ADGRL2: variants seen among roughly 807,000 people sequenced by gnomAD.
The protein encoded by ADGRL2 is calcium-independent alpha-latrotoxin receptor 2.
ADGRL2 carries 44 observed loss-of-function variants against 157.4 expected under a neutral mutation model. That is an observed-to-expected ratio of 0.28 (90% CI 0.22 to 0.36). ADGRL2 has a LOEUF of 0.36. Among genes scored for constraint, ADGRL2 ranks in the 10% least tolerant of loss-of-function variants. The pLI is 1.00. For synonymous variants in ADGRL2, 585 were observed against 624.7 expected (o/e 0.94, Z 0.95); for missense variants, 1,510 against 1,768.9 (o/e 0.85, Z 2.63).
chr1:81,796,531 G>T (rs1052425503), upstream of ADGRL2, among the ~76,000 whole-genome samples: 2 of 152,164 alleles, frequency 1.3e-5, no homozygotes, highest in Non-Finnish European at 2.9e-5. Context: ...ACTTTGAGTT[G>T]TTTAAGACTC....
intron 3 of ADGRL2, among the ~76,000 whole-genome samples, chr1:81,929,629 G>A (rs192980394): frequency 4.5e-4 from 69 of 152,220 alleles, no homozygotes; most frequent in African/African-American, 1.6e-3. Flanking sequence ...AATTTGTTGG[G>A]CATTGTACAA....
rs142939325 is a variant in ADGRL2, at chr1:81,377,620, A to T, written c.-301-67416A>T. ...GATTCCTGCAGGGGTCATGATACGC[A>T]CGTCACCAGCCCACATCCAGGTTGA... On this transcript the variant is annotated intron_variant, in intron 1 of 24. Transcript: ENST00000370721. Among the ~76,000 whole-genome samples the T allele has an allele frequency of 3.1e-4, 47 of 152,242 alleles. No homozygotes were observed. The East Asian group carries it at 7.9e-3, about 26-fold the overall frequency.
At position 81,969,171 on chromosome 1, in the gene ADGRL2, T is replaced by A. The variant is rs760480607; in HGVS notation, c.2524-7T>A. 17 of 1,595,934 alleles carry A rather than the reference T, an allele frequency of 1.1e-5. No individual in the cohort carries two copies. Among genetic ancestry groups the A allele is most frequent in the Non-Finnish European group, 1.5e-5 (17 of 1,164,048 alleles). ...TACTAATGTTCCTCATATCTTTTTA[T>A]TTTCAGTATAAAGATGGCGTTCATG... On this transcript the variant is annotated splice_region_variant and splice_polypyrimidine_tract_variant and intron_variant, in intron 14 of 23. Coordinates refer to ENST00000686636, the MANE Select transcript of ADGRL2 (RefSeq NM_001366006.2).
At chr1:81,650,579 A>G (rs2082398620) in intron 3 of ADGRL2, among the ~76,000 whole-genome samples, 1 of 150,970 alleles carries the variant, frequency 6.6e-6, no homozygotes, top group African/African-American at 2.4e-5. Flanking sequence ...CATCTCAAAA[A>G]AAAAAAAAAA....
rs1664978727 is a variant in ADGRL2, at chr1:81,993,727, TG to T, written c.*2583del. ...AAACTACTGACTGTTTTAATGCAGATGCGTTATTGTATTTATTAACCCAGTT... is the reference window on the plus strand; with the variant it reads ...AAACTACTGACTGTTTTAATGCAGATCGTTATTGTATTTATTAACCCAGTT... On this transcript the variant is annotated 3_prime_UTR_variant, in exon 24 of 24. Transcript: ENST00000686636. Among the ~76,000 whole-genome samples the T allele has an allele frequency of 6.6e-6, 1 of 152,192 alleles. No homozygotes were observed. The highest frequency in any genetic ancestry group is 1.5e-5 in the Non-Finnish European group (1 of 68,028).
intron 1 of ADGRL2, among the ~76,000 whole-genome samples, chr1:81,376,406 A>G (rs1221692658): frequency 6.6e-6 from 1 of 152,190 alleles, no homozygotes; most frequent in Non-Finnish European, 1.5e-5. Flanking sequence ...AAATGCCATA[A>G]TGTTTCCAAA....
chr1:81,379,355 G>T (rs113236919), intron 1 of ADGRL2, among the ~76,000 whole-genome samples: 1 of 152,160 alleles, frequency 6.6e-6, no homozygotes, highest in African/African-American at 2.4e-5. Context: ...ATGTTACAGG[G>T]TGCTCTTTTA....
At chr1:81,845,363 A>C (rs1318166218) in intron 2 of ADGRL2, among the ~76,000 whole-genome samples, 1 of 152,076 alleles carries the variant, frequency 6.6e-6, no homozygotes, top group Non-Finnish European at 1.5e-5. Context: ...ATAGAATTCT[A>C]TAATTCTGAT....
At chr1:81,500,472 A>T (rs1349220211) in intron 2 of ADGRL2, among the ~76,000 whole-genome samples, 2 of 152,238 alleles carry the variant, frequency 1.3e-5, no homozygotes, top group Admixed American at 1.3e-4. Context: ...ATTCCTCTTC[A>T]AAAGGAATAA....
At chr1:81,767,877 A>G (rs1170353081) in intron 2 of ADGRL2, among the ~76,000 whole-genome samples, 1 of 151,638 alleles carries the variant, frequency 6.6e-6, no homozygotes, top group Non-Finnish European at 1.5e-5. Context: ...AAGAAAAAAA[A>G]AAAAGAAATT....
rs1660232062 is a variant in ADGRL2, at chr1:81,318,029, TGAC to T, written c.-302+11521_-302+11523del. Among the ~76,000 whole-genome samples, 3 of 152,150 alleles carry T rather than the reference TGAC, an allele frequency of 2.0e-5. No homozygotes were observed. In the South Asian group the frequency reaches 6.2e-4, roughly 32 times the overall value. On this transcript the variant is annotated intron_variant, in intron 1 of 24. Coordinates refer to the ADGRL2 transcript ENST00000370721. ...TTACATCATTAAATTTTTCAAGCTCTGACTTTATATTTAATATACCAAATATTA... is the reference window on the plus strand; with the variant it reads ...TTACATCATTAAATTTTTCAAGCTCTTTTATATTTAATATACCAAATATTA...
chr1:81,621,486 G>C (rs1035123558), intron 3 of ADGRL2, among the ~76,000 whole-genome samples: 1 of 152,214 alleles, frequency 6.6e-6, no homozygotes, highest in African/African-American at 2.4e-5. Flanking sequence ...AAAGAGAGGA[G>C]TGCCAAGGAA....
intron 2 of ADGRL2, among the ~76,000 whole-genome samples, chr1:81,538,494 A>G (rs937621657): frequency 2.0e-5 from 3 of 152,208 alleles, no homozygotes; most frequent in Admixed American, 1.3e-4. Context: ...AAATTTACAC[A>G]TGTAATTTCT....
At chr1:81,960,942 A>G (rs1449696449) in intron 11 of ADGRL2, among the ~76,000 whole-genome samples, 1 of 152,094 alleles carries the variant, frequency 6.6e-6, no homozygotes. Context: ...GCTTCCTGTC[A>G]TCTTCAGTTC....
chr1:81,876,150 G>T (rs1032775902), intron 2 of ADGRL2, among the ~76,000 whole-genome samples: 3 of 151,986 alleles, frequency 2.0e-5, no homozygotes, highest in Non-Finnish European at 1.5e-5. Context: ...TGCTTTCCAC[G>T]CAAGACTTTA....
intron 2 of ADGRL2, among the ~76,000 whole-genome samples, chr1:81,788,313 C>T (rs2087156662): frequency 6.6e-6 from 1 of 152,124 alleles, no homozygotes; most frequent in African/African-American, 2.4e-5. Flanking sequence ...GGGAGGATCC[C>T]TCATATATGG....
chr1:81,960,675 A>G (rs1171888504), intron 11 of ADGRL2, among the ~76,000 whole-genome samples: 1 of 152,004 alleles, frequency 6.6e-6, no homozygotes, highest in East Asian at 1.9e-4. Flanking sequence ...GAGTTTCACT[A>G]TGATGGCCAG....
At chr1:81,959,420 AT>A (rs1427626265) in intron 11 of ADGRL2, among the ~76,000 whole-genome samples, 55 of 152,166 alleles carry the variant, frequency 3.6e-4, no homozygotes, top group Non-Finnish European at 3.2e-4. Flanking sequence ...TGTCAGAAAT[AT>A]GCATTCTGAG....
chr1:81,963,281 G>A (rs910649117), intron 11 of ADGRL2, among the ~76,000 whole-genome samples: 2 of 151,850 alleles, frequency 1.3e-5, no homozygotes, highest in Admixed American at 6.6e-5. Context: ...TAAATTCTTA[G>A]TATTTCTGAT....
Sources: allele counts gnomAD v4.1 joint callset (sites outside exome capture counted in the v4.1 genomes callset), GRCh38; gene constraint gnomAD v4.1.1; transcripts MANE v1.5; gene names NCBI Gene and HGNC (gene_info 2026-07-23, HGNC 2026-07-21).